DPP10: variants seen among roughly 807,000 people sequenced by gnomAD.
DPP10 encodes inactive dipeptidyl peptidase 10.
In DPP10, 33 loss-of-function variants were observed where a neutral mutation model predicts 120.9. The observed-to-expected ratio is 0.27, with a 90% CI of 0.21 to 0.37. DPP10 has a LOEUF of 0.37. Among genes scored for constraint, DPP10 ranks in the 10% least tolerant of loss-of-function variants. The probability of loss-of-function intolerance (pLI) is 1.00; values close to 1 mark genes in which losing one functional copy is unlikely to be tolerated. For synonymous variants in DPP10, 337 were observed against 326.1 expected, an observed-to-expected ratio of 1.03 and a Z score of -0.36; for missense variants, 816 against 942.8, an observed-to-expected ratio of 0.87 and a Z score of 1.76.
intron 1 of DPP10, among the ~76,000 whole-genome samples, chr2:114,979,160 C>T (rs577251383): frequency 6.6e-6 from 1 of 152,134 alleles, no homozygotes; most frequent in Admixed American, 6.5e-5. Flanking sequence ...GACATTTTCT[C>T]TAGCTTGAAT....
At chr2:114,850,787 A>G (rs904477449) in intron 1 of DPP10, among the ~76,000 whole-genome samples, 1 of 152,200 alleles carries the variant, frequency 6.6e-6, no homozygotes, top group African/African-American at 2.4e-5. Flanking sequence ...AAGAATTCCA[A>G]AAGACTAATA....
chr2:115,567,918 G>A (rs1275107721), intron 5 of DPP10, among the ~76,000 whole-genome samples: 1 of 152,220 alleles, frequency 6.6e-6, no homozygotes, highest in Non-Finnish European at 1.5e-5. Flanking sequence ...GCTCACGCCT[G>A]TAATCCCAGC....
At chr2:115,350,655 T>C (rs995860875) in intron 3 of DPP10, among the ~76,000 whole-genome samples, 1 of 152,126 alleles carries the variant, frequency 6.6e-6, no homozygotes, top group Non-Finnish European at 1.5e-5. Context: ...AGAATGTTCT[T>C]AGCACAGCAA....
intron 2 of DPP10, among the ~76,000 whole-genome samples, chr2:115,312,362 C>T (rs546677721): frequency 3.9e-5 from 6 of 152,144 alleles, no homozygotes; most frequent in African/African-American, 9.6e-5. Flanking sequence ...GCAGTGTAGT[C>T]GCATGGCCTT....
intron 3 of DPP10, among the ~76,000 whole-genome samples, chr2:115,364,662 C>A (rs1329580579): frequency 6.9e-6 from 1 of 145,370 alleles, no homozygotes; most frequent in Admixed American, 6.9e-5. Flanking sequence ...GCCAGCATGA[C>A]TTTTATGCTT....
At chr2:115,079,917 G>A (rs115288650) in intron 1 of DPP10, among the ~76,000 whole-genome samples, 2,480 of 152,250 alleles carry the variant, frequency 0.016, 53 homozygotes, top group African/African-American at 0.047. Flanking sequence ...AAACATTAAG[G>A]GCACATAAGG....
chr2:115,432,906 A>G (rs1472975464), intron 3 of DPP10, among the ~76,000 whole-genome samples: 4 of 152,022 alleles, frequency 2.6e-5, no homozygotes, highest in Admixed American at 6.6e-5. Context: ...GCCAAGATTG[A>G]GAAATCGTGC....
intron 21 of DPP10, among the ~76,000 whole-genome samples, chr2:115,822,049 T>G (rs1391508982): frequency 1.3e-5 from 2 of 152,018 alleles, no homozygotes; most frequent in Non-Finnish European, 2.9e-5. Context: ...ATCATCAGTC[T>G]TTTAAAATCA....
intron 1 of DPP10, among the ~76,000 whole-genome samples, chr2:114,582,889 G>T (rs1301443929): frequency 6.6e-6 from 1 of 152,084 alleles, no homozygotes; most frequent in African/African-American, 2.4e-5. Flanking sequence ...AAATAATACA[G>T]GTTTGACTTG....
chr2:115,080,488 C>T (rs1708183839), intron 1 of DPP10, among the ~76,000 whole-genome samples: 1 of 152,304 alleles, frequency 6.6e-6, no homozygotes, highest in South Asian at 2.1e-4. Context: ...ACCTAGTCCA[C>T]TATCTTATTC....
At chr2:114,483,955 G>C (rs992709501) in intron 1 of DPP10, among the ~76,000 whole-genome samples, 1 of 152,050 alleles carries the variant, frequency 6.6e-6, no homozygotes, top group Admixed American at 6.6e-5. Flanking sequence ...TGAACACTGG[G>C]GACAACTTTA....
chr2:115,632,110 A>G (rs555215167), intron 5 of DPP10, among the ~76,000 whole-genome samples: 1 of 152,138 alleles, frequency 6.6e-6, no homozygotes, highest in Admixed American at 6.5e-5. Context: ...TTGGGTACAT[A>G]TATATTTCTG....
chr2:115,315,323 A>G (rs1357428898), intron 2 of DPP10, among the ~76,000 whole-genome samples: 2 of 151,950 alleles, frequency 1.3e-5, no homozygotes, highest in African/African-American at 4.8e-5. Flanking sequence ...CTCATTTCCT[A>G]GAAAGCATTT....
intron 1 of DPP10, among the ~76,000 whole-genome samples, chr2:115,105,446 A>AGAGAGAGAGAGAGAGAGAGAGAGG (rs1243192324): frequency 6.6e-6 from 1 of 151,152 alleles, no homozygotes; most frequent in East Asian, 1.9e-4. Context: ...AGAGAGAGAG[A>AGAGAGAGAGAGAGAGAGAGAGAGG]GAGAGAGAGA....
intron 1 of DPP10, among the ~76,000 whole-genome samples, chr2:114,516,177 A>C (rs914365955): frequency 6.6e-6 from 1 of 152,192 alleles, no homozygotes; most frequent in Non-Finnish European, 1.5e-5. Flanking sequence ...CTGTTCTAGA[A>C]AGAGAGTCCC....
intron 10 of DPP10, among the ~76,000 whole-genome samples, chr2:115,749,693 G>C (rs542733366): frequency 7.9e-5 from 12 of 152,126 alleles, no homozygotes; most frequent in African/African-American, 1.4e-4. Context: ...GCTATAATTT[G>C]GTCATGAATA....
Position 115,468,241 on chromosome 2 carries a change from T to G in DPP10, c.272-31269T>G, listed in dbSNP as rs1214925471. On this transcript the variant is annotated intron_variant, in intron 3 of 25. Coordinates refer to ENST00000410059, the MANE Select transcript of DPP10 (RefSeq NM_020868.6). ...CTCAGGAGAAGCTTCTGCTGACCGC[T>G]CGTGTCATTGTTGCCATTGAAAACT... is the stretch of plus-strand genomic sequence containing the variant. 4 of 506,038 alleles carry G rather than the reference T, an allele frequency of 7.9e-6. No homozygotes were observed. The East Asian group carries it at 2.2e-4, about 28-fold the overall frequency. The allele number at this position is 506,038 out of a possible 1,614,324, so 31.3% of individuals were successfully genotyped here.
chr2:114,703,649 A>G (rs1430978639), intron 1 of DPP10, among the ~76,000 whole-genome samples: 1 of 152,172 alleles, frequency 6.6e-6, no homozygotes, highest in African/African-American at 2.4e-5. Flanking sequence ...CTTGATGTCC[A>G]TAGGAAATGG....
At chr2:114,935,863 GTTTT>G (rs34445525) in intron 1 of DPP10, among the ~76,000 whole-genome samples, 1 of 146,044 alleles carries the variant, frequency 6.8e-6, no homozygotes, top group African/African-American at 2.5e-5. Flanking sequence ...AAAACTGAAG[GTTTT>G]TTTTTTTTTA....
Sources: allele counts gnomAD v4.1 joint callset (sites outside exome capture counted in the v4.1 genomes callset), GRCh38; gene constraint gnomAD v4.1.1; transcripts MANE v1.5; gene names NCBI Gene and HGNC (gene_info 2026-07-23, HGNC 2026-07-21).